Variants in FAM53A observed in about 807,000 individuals in gnomAD.
FAM53A encodes the protein family with sequence similarity 53 member A.
FAM53A carries 28 observed loss-of-function variants against 26.6 expected under a neutral mutation model. The observed-to-expected ratio is 1.05, with a 90% CI of 0.78 to 1.45. The LOEUF (loss-of-function observed/expected upper bound fraction) is 1.45, where lower values mean the gene tolerates loss of function less well. Ranked by LOEUF, FAM53A falls within the 40% of genes most tolerant of loss-of-function variation. The pLI is 0.00. For missense variants in FAM53A, 650 were observed against 575.8 expected (o/e 1.13, Z -1.32); for synonymous variants, 290 against 253.1 (o/e 1.15, Z -1.38).
intron 2 of FAM53A, among the ~76,000 whole-genome samples, chr4:1,664,720 G>A (rs1157541000): frequency 2.0e-5 from 3 of 152,248 alleles, no homozygotes; most frequent in African/African-American, 7.2e-5. Flanking sequence ...GCTCAGGCCT[G>A]TAATCCCAGC....
In FAM53A at chr4:1,668,535, C is replaced by T. The variant is rs553618422; in HGVS notation, c.75+132G>A. ...GGGGCCCACATGTGCACCAGACACC[C>T]CCATCCCTGGCCCAGCAGGGCCCCC... On this transcript the variant is annotated intron_variant, in intron 2 of 4. Transcript: ENST00000308132. 4.5e-6 allele frequency: 4 copies of T among 890,364 alleles called. No homozygotes were observed. The African/African-American group carries it at 5.0e-5, about 11-fold the overall frequency. 55.2% of individuals were successfully genotyped at this position (890,364 alleles called of 1,614,324 possible). A position where few individuals can be genotyped will look rare whatever the true frequency, so the allele number is the denominator to read the frequency against.
intron 1 of FAM53A, among the ~76,000 whole-genome samples, chr4:1,629,460 G>A (rs576703122): frequency 6.6e-6 from 1 of 152,216 alleles, no homozygotes; most frequent in African/African-American, 2.4e-5. Context: ...TGCCCTGGAG[G>A]CCTGGCCAGG....
chr4:1,618,949 C>T (rs1425514309), intron 1 of FAM53A, among the ~76,000 whole-genome samples: 1 of 152,186 alleles, frequency 6.6e-6, no homozygotes, highest in Non-Finnish European at 1.5e-5. Flanking sequence ...AGCACAGAAA[C>T]ACATCAACCT....
Position 1,654,519 on chromosome 4 carries a change from C to G in FAM53A, c.882+459G>C, listed in dbSNP as rs148999460. ...CGCACAGGCGCTGCTGGGCTCTGAG[C>G]TGCAACATGCACACCCACCAGCTCC... is the stretch of plus-strand genomic sequence containing the variant. On this transcript the variant is annotated intron_variant, in intron 4 of 4. Transcript: ENST00000308132. 7.4e-3 allele frequency among the ~76,000 whole-genome samples: 1,132 copies of G among 152,392 alleles called. 11 individuals are homozygous for G. Among genetic ancestry groups the G allele is most frequent in the African/African-American group, 0.025 (1,026 of 41,598 alleles).
intron 4 of FAM53A, among the ~76,000 whole-genome samples, chr4:1,648,165 T>C (rs1194382781): frequency 1.3e-5 from 2 of 152,140 alleles, no homozygotes; most frequent in Non-Finnish European, 2.9e-5. Context: ...GCTGTGATTA[T>C]ACCACTACAC....
the FAM53A span, among the ~76,000 whole-genome samples, chr4:1,595,034 C>T: frequency 6.6e-6 from 1 of 152,210 alleles, no homozygotes; most frequent in African/African-American, 2.4e-5. Context: ...AGGATGGAGA[C>T]ACAGCTTGCT....
the FAM53A span, among the ~76,000 whole-genome samples, chr4:1,602,718 G>A: frequency 5.3e-5 from 8 of 152,172 alleles, no homozygotes; most frequent in East Asian, 3.9e-4. Flanking sequence ...AGCGAGACCC[G>A]GTGTAAGGTA....
chr4:1,638,486 CAGG>C (rs1375417172), downstream of FAM53A, among the ~76,000 whole-genome samples: 1 of 151,850 alleles, frequency 6.6e-6, no homozygotes, highest in African/African-American at 2.4e-5. Context: ...GCTCGGGCCT[CAGG>C]AGGAGCCTCC....
downstream of FAM53A, among the ~76,000 whole-genome samples, chr4:1,614,391 G>A (rs1714732461): frequency 7.2e-6 from 1 of 139,708 alleles, no homozygotes; most frequent in South Asian, 2.3e-4. Flanking sequence ...GCAGAGACGT[G>A]AGGGGCATGC....
intron 1 of FAM53A, among the ~76,000 whole-genome samples, chr4:1,624,010 G>A (rs1443694815): frequency 6.6e-6 from 1 of 152,168 alleles, no homozygotes; most frequent in East Asian, 1.9e-4. Flanking sequence ...TGGGGCGGGT[G>A]TGAGGCCTGA....
chr4:1,655,571 G>C lies in FAM53A; in HGVS notation c.289C>G (p.Leu97Val). The part of the protein sequence containing the change: ...QPQSPRPGAG[L>V]GAASTVDPSE... ...GGGTCCACGGTGCTGGCTGCACCCA[G>C]GCCTGCGCCTGGGCGCGGGGACTGT... is the stretch of plus-strand genomic sequence containing the variant. The change falls in exon 4 of 5, where the codon CTG (leucine) becomes GTG (valine). Residue 97 changes from leucine to valine, a missense_variant. Physicochemically the swap from Leu to Val is conservative, Grantham distance 32 (BLOSUM62 1). Transcript: ENST00000308132. The C allele has an allele frequency of 6.3e-7, 1 of 1,581,166 alleles. No individual in the cohort carries two copies. Among genetic ancestry groups the C allele is most frequent in the Non-Finnish European group, 8.6e-7 (1 of 1,162,748 alleles).
rs113122319 is a variant in FAM53A at position 1,621,384 on chromosome 4, A to G, written c.432-3273T>C. Among the ~76,000 whole-genome samples, 1,217 of 152,204 alleles carry G rather than the reference A, an allele frequency of 8.0e-3. 20 individuals are homozygous for G. The highest frequency in any genetic ancestry group is 0.028 in the African/African-American group (1,159 of 41,522). Reference sequence around the variant, plus strand: ...CTCCCAAAGTGCTGGGATTACAGGCATGAGCCACCGCGCCCGGTCAGTCGG... The same window carrying G: ...CTCCCAAAGTGCTGGGATTACAGGCGTGAGCCACCGCGCCCGGTCAGTCGG... On this transcript the variant is annotated intron_variant, in intron 1 of 1. Coordinates refer to the FAM53A transcript ENST00000489029.
At chr4:1,611,914 G>C in the FAM53A span, among the ~76,000 whole-genome samples, 3 of 152,194 alleles carry the variant, frequency 2.0e-5, no homozygotes, top group Admixed American at 1.3e-4. Context: ...CAGGGGAGGT[G>C]GTTTTATAGG....
chr4:1,662,159 T>A (rs965441128), intron 2 of FAM53A, among the ~76,000 whole-genome samples: 1 of 151,932 alleles, frequency 6.6e-6, no homozygotes, highest in Non-Finnish European at 1.5e-5. Flanking sequence ...TGAGACCCCC[T>A]TTCTAAAAGA....
intron 1 of FAM53A, among the ~76,000 whole-genome samples, chr4:1,619,442 G>A (rs1035691519): frequency 5.3e-5 from 8 of 152,222 alleles, no homozygotes; most frequent in South Asian, 2.1e-4. Context: ...CCAGCTCGGC[G>A]TCTCTGGGGT....
downstream of FAM53A, among the ~76,000 whole-genome samples, chr4:1,638,778 G>C (rs543579325): frequency 4.1e-5 from 5 of 121,694 alleles, no homozygotes; most frequent in East Asian, 1.0e-3. Context: ...AGGGGCCCCT[G>C]GGCTGGGGTG....
chr4:1,663,757 C>A (rs1304370702), intron 2 of FAM53A, among the ~76,000 whole-genome samples: 2 of 151,582 alleles, frequency 1.3e-5, no homozygotes, highest in Non-Finnish European at 2.9e-5. Flanking sequence ...TCACTTGAGG[C>A]CAGGAGTTAG....
the FAM53A span, among the ~76,000 whole-genome samples, chr4:1,578,448 G>T: frequency 1.3e-5 from 2 of 151,940 alleles, no homozygotes; most frequent in Non-Finnish European, 2.9e-5. Context: ...AGAAGGGCGC[G>T]AGCGTTGGCG....
At chr4:1,664,371 G>A (rs112440227) in intron 2 of FAM53A, among the ~76,000 whole-genome samples, 1,906 of 152,206 alleles carry the variant, frequency 0.013, 37 homozygotes, top group African/African-American at 0.042. Context: ...CACTGAGGCC[G>A]GGCCATGGGT....
Sources: allele counts gnomAD v4.1 joint callset (sites outside exome capture counted in the v4.1 genomes callset), GRCh38; gene constraint gnomAD v4.1.1; transcripts MANE v1.5; gene names NCBI Gene and HGNC (gene_info 2026-07-23, HGNC 2026-07-21).